CTNNA1: variants seen among roughly 807,000 people sequenced by gnomAD.
The protein encoded by CTNNA1 is catenin alpha-1.
A neutral mutation model predicts 98.4 loss-of-function variants in CTNNA1; 37 were observed. That is an observed-to-expected ratio of 0.38 (90% CI 0.29 to 0.49). CTNNA1 has a LOEUF of 0.49. CTNNA1 is among the 20% of genes least tolerant of loss of function. The pLI is 0.95. For synonymous variants in CTNNA1, 404 were observed against 413.2 expected, an observed-to-expected ratio of 0.98 and a Z score of 0.27; for missense variants, 761 against 1,147.2, an observed-to-expected ratio of 0.66 and a Z score of 4.86.
At chr5:138,802,636 T>A (rs1327909457) in intron 3 of CTNNA1, among the ~76,000 whole-genome samples, 1 of 152,242 alleles carries the variant, frequency 6.6e-6, no homozygotes, top group African/African-American at 2.4e-5. Context: ...GCTTGTATGG[T>A]CATTTTTACA....
At chr5:138,855,399 A>G (rs1443417619) in intron 7 of CTNNA1, among the ~76,000 whole-genome samples, 1 of 149,790 alleles carries the variant, frequency 6.7e-6, no homozygotes, top group Admixed American at 6.7e-5. Context: ...CTATGTATAG[A>G]TATTAATATA....
chr5:138,875,053 AC>A, intron 7 of CTNNA1: 1 of 765,224 alleles, frequency 1.3e-6, no homozygotes, highest in Non-Finnish European at 2.1e-6. Flanking sequence ...AATTGAATCC[AC>A]CAGGACGAGT....
chr5:138,790,613 A>C (rs1026152246), intron 3 of CTNNA1, among the ~76,000 whole-genome samples: 1 of 152,202 alleles, frequency 6.6e-6, no homozygotes, highest in East Asian at 1.9e-4. Context: ...AAATTGAGAC[A>C]TGGCTCATTG....
At chr5:138,911,695 T>C (rs536116089) in intron 10 of CTNNA1, among the ~76,000 whole-genome samples, 1 of 152,236 alleles carries the variant, frequency 6.6e-6, no homozygotes, top group Non-Finnish European at 1.5e-5. Flanking sequence ...AATTCTGATG[T>C]CCAGAAACTG....
chr5:138,886,656 C>G (rs1754094494), intron 8 of CTNNA1, among the ~76,000 whole-genome samples: 1 of 151,974 alleles, frequency 6.6e-6, no homozygotes, highest in African/African-American at 2.4e-5. Flanking sequence ...TCTGACTTGC[C>G]CTATACTCAT....
chr5:138,775,714 CTTTTTTTTTTTTT>C (rs750615535), intron 1 of CTNNA1, among the ~76,000 whole-genome samples: 5 of 82,506 alleles, frequency 6.1e-5, no homozygotes, highest in Admixed American at 1.6e-4. Context: ...GGAAATATTT[CTTTTTTTTTTTTT>C]TTTTTTTTTT....
At chr5:138,913,754 G>A (rs918727319) in intron 10 of CTNNA1, among the ~76,000 whole-genome samples, 2 of 152,092 alleles carry the variant, frequency 1.3e-5, no homozygotes, top group Admixed American at 1.3e-4. Context: ...GTGACAGTAA[G>A]TATTCCAATT....
At chr5:138,823,758 C>G (rs1313744724) in intron 5 of CTNNA1, among the ~76,000 whole-genome samples, 3 of 151,554 alleles carry the variant, frequency 2.0e-5, no homozygotes, top group African/African-American at 7.3e-5. Flanking sequence ...GAGATCGAGG[C>G]CATCCCGGCT....
rs1410904142 is a variant in CTNNA1 at position 138,781,932 on chromosome 5, C to T, written c.8C>T (p.Ala3Val). The T allele has an allele frequency of 6.3e-7, 1 of 1,583,542 alleles. No homozygotes were observed. Reference sequence around the variant, plus strand: ...TTTGTTTCTTATTTAGAAATGACTGCTGTCCATGCAGGCAACATAAACTTC... The same window carrying T: ...TTTGTTTCTTATTTAGAAATGACTGTTGTCCATGCAGGCAACATAAACTTC... MTAVHAGNINFKW... is the reference protein window; with the variant it reads MTVVHAGNINFKW... The change falls in exon 2 of 18, where the codon GCT becomes GTT. Residue 3 changes from alanine (A) to valine (V), a missense_variant. Physicochemically the swap from Ala to Val is moderately conservative, Grantham distance 64. Around this residue, in one of 6 missense-constraint regions of CTNNA1, gnomAD observed 328 missense variants for 354.3 expected, o/e 0.93. Transcript: ENST00000302763.
chr5:138,794,578 A>G (rs1042658799), intron 3 of CTNNA1, among the ~76,000 whole-genome samples: 14 of 152,212 alleles, frequency 9.2e-5, no homozygotes, highest in African/African-American at 3.1e-4. Context: ...TGCCAAATAT[A>G]TACTACCATT....
chr5:138,881,039 T>C (rs1311254214), intron 7 of CTNNA1: 4 of 456,222 alleles, frequency 8.8e-6, no homozygotes, highest in Non-Finnish European at 1.8e-5. Context: ...GTACGGTTTA[T>C]AGCAGCATGT....
chr5:138,785,356 C>T (rs1236758457), intron 3 of CTNNA1, among the ~76,000 whole-genome samples: 1 of 151,986 alleles, frequency 6.6e-6, no homozygotes, highest in African/African-American at 2.4e-5. Context: ...CCATCGCGCC[C>T]GGCCTAATTT....
chr5:138,776,456 C>G (rs961870211), intron 1 of CTNNA1, among the ~76,000 whole-genome samples: 19 of 152,344 alleles, frequency 1.2e-4, no homozygotes, highest in African/African-American at 4.6e-4. Flanking sequence ...TCTACACAGA[C>G]ACGGCAACCA....
chr5:138,834,762 T>C (rs1423049867), intron 7 of CTNNA1, among the ~76,000 whole-genome samples: 1 of 152,210 alleles, frequency 6.6e-6, no homozygotes, highest in East Asian at 1.9e-4. Context: ...CTGGGATAGC[T>C]GCTTGAAGTG....
chr5:138,899,796 C>T (rs1757634047), intron 9 of CTNNA1, among the ~76,000 whole-genome samples: 2 of 152,198 alleles, frequency 1.3e-5, no homozygotes, highest in Admixed American at 1.3e-4. Flanking sequence ...TTTCACCTGC[C>T]TAGCTCTGCA....
At chr5:138,880,836 A>G (rs550430853) in intron 7 of CTNNA1, 16 of 327,100 alleles carry the variant, frequency 4.9e-5, no homozygotes, top group Non-Finnish European at 9.1e-5. Context: ...TTTGTTGGCT[A>G]TATGCTAGCA....
intron 9 of CTNNA1, among the ~76,000 whole-genome samples, chr5:138,898,287 A>C (rs1757337029): frequency 6.6e-6 from 1 of 151,786 alleles, no homozygotes; most frequent in African/African-American, 2.4e-5. Flanking sequence ...CTTTCTGTAC[A>C]GCCTGCAGAA....
intron 5 of CTNNA1, among the ~76,000 whole-genome samples, chr5:138,819,212 C>G (rs937757777): frequency 6.6e-6 from 1 of 152,082 alleles, no homozygotes; most frequent in Non-Finnish European, 1.5e-5. Flanking sequence ...TCTAGGCCCC[C>G]GGATGGTGGA....
chr5:138,783,138 T>C (rs1755315196), intron 2 of CTNNA1, 39 bp from the exon 3 acceptor site: 19 of 1,484,778 alleles, frequency 1.3e-5, no homozygotes, highest in Non-Finnish European at 1.5e-5. Context: ...TTTGTCATTT[T>C]AATTGACTCC....
Sources: allele counts gnomAD v4.1 joint callset (sites outside exome capture counted in the v4.1 genomes callset), GRCh38; gene constraint gnomAD v4.1.1; regional missense constraint gnomAD v4.1.1; transcripts MANE v1.5; gene names NCBI Gene and HGNC (gene_info 2026-07-23, HGNC 2026-07-21).